PTN: variants seen among roughly 807,000 people sequenced by gnomAD.
The protein encoded by PTN is pleiotrophin.
Under a neutral mutation model 24.1 loss-of-function variants are expected in PTN, and 18 were observed. The ratio of observed to expected loss-of-function variants is 0.75; its 90% CI spans 0.52 to 1.11. PTN has a LOEUF of 1.11. Ranked by LOEUF, PTN falls within the 50% of genes least tolerant of loss-of-function variation. The pLI is 0.00. For missense variants in PTN, 163 were observed against 198.8 expected (o/e 0.82, Z 1.08); for synonymous variants, 78 against 68.6 (o/e 1.14, Z -0.67).
chr7:137,276,490 A>C (rs1809361617), intron 1 of PTN, among the ~76,000 whole-genome samples: 1 of 152,178 alleles, frequency 6.6e-6, no homozygotes, highest in Non-Finnish European at 1.5e-5. Flanking sequence ...AACCAGGGTG[A>C]AATGGGTTTT....
At chr7:137,323,567 T>C (rs1192709421) in intron 1 of PTN, among the ~76,000 whole-genome samples, 1 of 152,152 alleles carries the variant, frequency 6.6e-6, no homozygotes. Flanking sequence ...AAGTCACATA[T>C]GAAAAACAAA....
rs1301019416 is a variant in PTN at position 137,227,870 on chromosome 7, A to C, written c.*150T>G. ...CTATAGTATACATTTAAAAAACGCT[A>C]CTACAAAAATTTTCTTTTCTTTTTG... is the stretch of plus-strand genomic sequence containing the variant. On this transcript the variant is annotated 3_prime_UTR_variant, in exon 5 of 5. Coordinates refer to ENST00000348225, the MANE Select transcript of PTN (RefSeq NM_002825.7). 7.2e-6 allele frequency: 7 copies of C among 975,708 alleles called. No homozygotes were observed. The highest frequency in any genetic ancestry group is 1.7e-5 in the African/African-American group (1 of 60,028). 60.4% of individuals were successfully genotyped at this position (975,708 alleles called of 1,614,324 possible). A position where few individuals can be genotyped will look rare whatever the true frequency, so the allele number is the denominator to read the frequency against.
intron 4 of PTN, among the ~76,000 whole-genome samples, chr7:137,231,169 C>A (rs1487422397): frequency 1.3e-5 from 2 of 151,928 alleles, no homozygotes; most frequent in Non-Finnish European, 2.9e-5. Flanking sequence ...GTACCTCCAA[C>A]CCATGGCACA....
intron 1 of PTN, among the ~76,000 whole-genome samples, chr7:137,257,500 C>G (rs756436994): frequency 6.6e-6 from 1 of 152,258 alleles, no homozygotes; most frequent in East Asian, 1.9e-4. Flanking sequence ...TACATCAGTG[C>G]TACTATATCT....
chr7:137,261,699 T>C (rs1809041322), intron 1 of PTN, among the ~76,000 whole-genome samples: 1 of 152,200 alleles, frequency 6.6e-6, no homozygotes, highest in Non-Finnish European at 1.5e-5. Context: ...GGAGAAAAAC[T>C]ATCTATTTTT....
intron 1 of PTN, 34 bp from the exon 2 acceptor site, chr7:137,255,008 A>T (rs1563201475): frequency 6.9e-7 from 1 of 1,446,578 alleles, no homozygotes; most frequent in Non-Finnish European, 9.4e-7. Flanking sequence ...AGAAGGTGGC[A>T]TTAACCTAAG....
chr7:137,250,935 T>A (rs1476987488), intron 4 of PTN, among the ~76,000 whole-genome samples: 4 of 152,210 alleles, frequency 2.6e-5, no homozygotes, highest in Non-Finnish European at 5.9e-5. Flanking sequence ...ATTAAGAGTG[T>A]GGAATATATG....
At chr7:137,305,204 G>A (rs970756780) in intron 1 of PTN, among the ~76,000 whole-genome samples, 1 of 152,030 alleles carries the variant, frequency 6.6e-6, no homozygotes, top group Non-Finnish European at 1.5e-5. Context: ...AAACTAAGTA[G>A]AGCTCAATAA....
chr7:137,237,758 G>C (rs558751938), intron 4 of PTN, among the ~76,000 whole-genome samples: 10 of 152,212 alleles, frequency 6.6e-5, no homozygotes, highest in African/African-American at 2.4e-4. Flanking sequence ...GTCTATAGCA[G>C]CAGCAGCAAA....
chr7:137,266,175 A>T (rs966643724), intron 1 of PTN, among the ~76,000 whole-genome samples: 5 of 152,206 alleles, frequency 3.3e-5, no homozygotes, highest in African/African-American at 1.2e-4. Context: ...TTTTACTTTA[A>T]TGTCCATTTC....
chr7:137,233,267 A>G (rs1808460921), intron 4 of PTN, among the ~76,000 whole-genome samples: 2 of 152,000 alleles, frequency 1.3e-5, no homozygotes, highest in African/African-American at 4.8e-5. Context: ...AATTGGTTCA[A>G]ATAGATGTTT....
intron 1 of PTN, among the ~76,000 whole-genome samples, chr7:137,303,586 T>C (rs959648009): frequency 6.6e-6 from 1 of 152,012 alleles, no homozygotes; most frequent in Non-Finnish European, 1.5e-5. Context: ...TGTAGATGTC[T>C]GTGTTATTGG....
At chr7:137,285,415 C>T (rs1809537402) in intron 1 of PTN, among the ~76,000 whole-genome samples, 2 of 152,154 alleles carry the variant, frequency 1.3e-5, no homozygotes. Context: ...CCTGTAATCC[C>T]AGCACTTTGA....
intron 1 of PTN, among the ~76,000 whole-genome samples, chr7:137,328,367 C>A (rs577684459): frequency 2.2e-4 from 34 of 152,210 alleles, no homozygotes; most frequent in Admixed American, 7.2e-4. Flanking sequence ...CTATCACTCA[C>A]AACAGGCTGC....
chr7:137,234,678 A>C (rs905723158), intron 4 of PTN, among the ~76,000 whole-genome samples: 3 of 152,104 alleles, frequency 2.0e-5, no homozygotes, highest in Admixed American at 6.6e-5. Flanking sequence ...CAAAGACCTT[A>C]AGGGGACATG....
At chr7:137,316,851 C>A (rs991413576) in intron 1 of PTN, among the ~76,000 whole-genome samples, 2 of 152,136 alleles carry the variant, frequency 1.3e-5, no homozygotes, top group Non-Finnish European at 2.9e-5. Context: ...AGGTGTTTGA[C>A]CGTCTAGGAT....
intron 1 of PTN, among the ~76,000 whole-genome samples, chr7:137,275,817 A>G (rs905674051): frequency 6.6e-6 from 1 of 152,150 alleles, no homozygotes; most frequent in African/African-American, 2.4e-5. Context: ...CTCAGCTTCA[A>G]ATGAAAAGGT....
intron 1 of PTN, among the ~76,000 whole-genome samples, chr7:137,314,878 C>A (rs1330639180): frequency 6.6e-6 from 1 of 152,180 alleles, no homozygotes; most frequent in African/African-American, 2.4e-5. Context: ...CAGGTGTGAG[C>A]CACCGCACCC....
chr7:137,343,168 A>C (rs772666211), intron 1 of PTN, among the ~76,000 whole-genome samples: 4 of 152,196 alleles, frequency 2.6e-5, no homozygotes, highest in Non-Finnish European at 4.4e-5. Flanking sequence ...GGTAGCTGGA[A>C]CACGGTCCAA....
Sources: allele counts gnomAD v4.1 joint callset (sites outside exome capture counted in the v4.1 genomes callset), GRCh38; gene constraint gnomAD v4.1.1; transcripts MANE v1.5; gene names NCBI Gene and HGNC (gene_info 2026-07-23, HGNC 2026-07-21).